Variants in ASAP1 observed in about 807,000 individuals in gnomAD.
The protein encoded by ASAP1 is arf-GAP with SH3 domain, ANK repeat and PH domain-containing protein 1.
ASAP1 carries 43 observed loss-of-function variants against 145.2 expected under a neutral mutation model. The observed-to-expected ratio is 0.30, with a 90% CI of 0.23 to 0.38. ASAP1 has a LOEUF of 0.38. Ranked by LOEUF, ASAP1 falls within the 10% of genes least tolerant of loss-of-function variation. ASAP1 has a pLI of 1.00. For missense variants in ASAP1, 1,018 were observed against 1,355.3 expected (o/e 0.75, Z 3.91); for synonymous variants, 546 against 515.5 (o/e 1.06, Z -0.80).
chr8:130,296,508 C>CTTTTT (rs554026885), intron 3 of ASAP1, among the ~76,000 whole-genome samples: 7 of 138,762 alleles, frequency 5.0e-5, no homozygotes, highest in Admixed American at 5.0e-4. Flanking sequence ...TGCTACTTCC[C>CTTTTT]TTTTTTTTTT....
At chr8:130,284,218 T>C (rs1366996705) in intron 3 of ASAP1, among the ~76,000 whole-genome samples, 1 of 151,966 alleles carries the variant, frequency 6.6e-6, no homozygotes, top group Non-Finnish European at 1.5e-5. Context: ...CAAAATTCTA[T>C]CCATAAAACC....
intron 5 of ASAP1, among the ~76,000 whole-genome samples, chr8:130,202,714 T>C (rs969117200): frequency 1.3e-5 from 2 of 152,208 alleles, no homozygotes; most frequent in South Asian, 4.1e-4. Flanking sequence ...TCTAGAGGAA[T>C]GAATGAGTGA....
intron 4 of ASAP1, among the ~76,000 whole-genome samples, chr8:130,230,110 A>AC (rs1817824243): frequency 6.6e-6 from 1 of 150,856 alleles, no homozygotes; most frequent in African/African-American, 2.4e-5. Flanking sequence ...ACAAACACCA[A>AC]CCCCAAACTA....
intron 4 of ASAP1, among the ~76,000 whole-genome samples, chr8:130,216,017 A>AAGGAAAGG (rs1554850155): frequency 7.4e-6 from 1 of 134,514 alleles, no homozygotes; most frequent in Non-Finnish European, 1.6e-5. Context: ...AAGGAAAGGA[A>AAGGAAAGG]AAAGGAAAGG....
chr8:130,336,864 C>G (rs1123205), intron 3 of ASAP1, among the ~76,000 whole-genome samples: 98,550 of 152,024 alleles, frequency 0.65, 32,943 homozygotes, highest in African/African-American at 0.8. Context: ...GAGAACATTT[C>G]AAGAAACTAC....
chr8:130,174,993 T>C (rs1211122736), intron 9 of ASAP1, among the ~76,000 whole-genome samples: 2 of 152,234 alleles, frequency 1.3e-5, no homozygotes, highest in Non-Finnish European at 2.9e-5. Context: ...ATTCTATGCT[T>C]AACTTTGTGA....
rs183228849 is a variant in ASAP1, at chr8:130,384,994, T to C, written c.59+16891A>G. On this transcript the variant is annotated intron_variant, in intron 2 of 29. Transcript: ENST00000518721. Reference sequence around the variant, plus strand: ...CGTACATACACACACCATGGCTCTATGGAGGCCGGGGCTTGAGGTCCAAAT... The same window carrying C: ...CGTACATACACACACCATGGCTCTACGGAGGCCGGGGCTTGAGGTCCAAAT... Among the ~76,000 whole-genome samples the C allele has an allele frequency of 2.0e-4, 31 of 152,302 alleles. No homozygotes were observed. In the East Asian group the frequency reaches 5.8e-3, roughly 28 times the overall value.
intron 16 of ASAP1, 99 bp downstream of exon 16, chr8:130,127,828 G>T: frequency 3.7e-6 from 5 of 1,348,412 alleles, no homozygotes; most frequent in Non-Finnish European, 5.1e-6. Flanking sequence ...ATGTGAGTGT[G>T]TCCATAGGGG....
chr8:130,066,341 C>T (rs2097430608), intron 27 of ASAP1, among the ~76,000 whole-genome samples: 1 of 152,098 alleles, frequency 6.6e-6, no homozygotes, highest in Admixed American at 6.5e-5. Context: ...ATAGCACAGC[C>T]CACCTGCCTC....
At chr8:130,354,052 T>A (rs1826159427) in intron 3 of ASAP1, among the ~76,000 whole-genome samples, 1 of 151,816 alleles carries the variant, frequency 6.6e-6, no homozygotes, top group East Asian at 1.9e-4. Flanking sequence ...CACGCCCAGC[T>A]AATTTTTTTT....
At chr8:130,138,848 A>G (rs1310461177) in intron 13 of ASAP1, among the ~76,000 whole-genome samples, 2 of 151,778 alleles carry the variant, frequency 1.3e-5, no homozygotes, top group Non-Finnish European at 2.9e-5. Context: ...AAAAAAAAAA[A>G]AAAAAAGAAA....
chr8:130,423,026 T>C (rs1189207823), intron 1 of ASAP1, among the ~76,000 whole-genome samples: 1 of 152,238 alleles, frequency 6.6e-6, no homozygotes, highest in East Asian at 1.9e-4. Flanking sequence ...TCCAAGTCTA[T>C]GTATAAGCAC....
intron 18 of ASAP1, among the ~76,000 whole-genome samples, chr8:130,123,569 C>T (rs1009791706): frequency 3.3e-5 from 5 of 151,722 alleles, no homozygotes; most frequent in South Asian, 4.2e-4. Flanking sequence ...TTTCCCCTGA[C>T]AATGGGGTTT....
chr8:130,352,212 G>GT (rs11420981), intron 3 of ASAP1, among the ~76,000 whole-genome samples: 43,723 of 139,624 alleles, frequency 0.31, 7,220 homozygotes, highest in African/African-American at 0.41. Flanking sequence ...CTTCCTAAGG[G>GT]TTTTTTTTTT....
intron 3 of ASAP1, among the ~76,000 whole-genome samples, chr8:130,320,430 C>T (rs1823929382): frequency 6.6e-6 from 1 of 152,094 alleles, no homozygotes; most frequent in Non-Finnish European, 1.5e-5. Context: ...TGGTACTTGT[C>T]TGTAGTCCCA....
chr8:130,318,669 T>C (rs1346684326), intron 3 of ASAP1, among the ~76,000 whole-genome samples: 1 of 152,344 alleles, frequency 6.6e-6, no homozygotes, highest in Admixed American at 6.5e-5. Flanking sequence ...AGTGGTATTA[T>C]CACCTCCTTT....
At chr8:130,290,227 C>T (rs1051925871) in intron 3 of ASAP1, among the ~76,000 whole-genome samples, 2 of 152,192 alleles carry the variant, frequency 1.3e-5, no homozygotes, top group African/African-American at 4.8e-5. Context: ...TCTTAAGGCT[C>T]GCATATTCTA....
intron 3 of ASAP1, among the ~76,000 whole-genome samples, chr8:130,273,848 T>A: frequency 6.6e-6 from 1 of 152,190 alleles, no homozygotes; most frequent in East Asian, 1.9e-4. Context: ...ATCCGCCACA[T>A]AGATAAAACC....
chr8:130,104,445 G>A (rs1363347557), intron 24 of ASAP1, among the ~76,000 whole-genome samples: 2 of 152,060 alleles, frequency 1.3e-5, no homozygotes, highest in African/African-American at 2.4e-5. Context: ...TACTTCCTCC[G>A]TCCTTTGTTC....
Sources: gnomAD v4.1 joint callset for allele counts (sites outside exome capture counted in the v4.1 genomes callset) on GRCh38, gnomAD v4.1.1 for gene constraint, MANE v1.5 for transcripts, NCBI Gene and HGNC (gene_info 2026-07-23, HGNC 2026-07-21) for gene names.